FLT1: variants seen among roughly 807,000 people sequenced by gnomAD.
FLT1 encodes the protein vascular endothelial growth factor receptor 1.
FLT1 carries 49 observed loss-of-function variants against 156.3 expected under a neutral mutation model. The ratio of observed to expected loss-of-function variants is 0.31; its 90% CI spans 0.25 to 0.40. The LOEUF (loss-of-function observed/expected upper bound fraction) is 0.40. FLT1 is among the 10% of genes least tolerant of loss of function. The pLI is 1.00. For missense variants in FLT1, 1,322 were observed against 1,637.2 expected, an observed-to-expected ratio of 0.81 and a Z score of 3.32; for synonymous variants, 594 against 583.8, an observed-to-expected ratio of 1.02 and a Z score of -0.25.
At chr13:28,318,279 G>A (rs1871286127) in intron 24 of FLT1, among the ~76,000 whole-genome samples, 1 of 152,162 alleles carries the variant, frequency 6.6e-6, no homozygotes, top group Non-Finnish European at 1.5e-5. Flanking sequence ...GGGGGGCTTT[G>A]CGCTCCAGGG....
chr13:28,345,088 C>A (rs1004950731), intron 16 of FLT1, among the ~76,000 whole-genome samples: 1 of 152,000 alleles, frequency 6.6e-6, no homozygotes, highest in Admixed American at 6.6e-5. Context: ...CAGTCATGTA[C>A]CACCGTGCCC....
chr13:28,376,193 T>C (rs1217659635), intron 14 of FLT1, among the ~76,000 whole-genome samples: 1 of 152,184 alleles, frequency 6.6e-6, no homozygotes, highest in Admixed American at 6.5e-5. Context: ...GTCAGTGATA[T>C]AGTGTGACAG....
intron 1 of FLT1, among the ~76,000 whole-genome samples, chr13:28,468,217 G>A (rs1422054642): frequency 3.9e-5 from 6 of 152,140 alleles, no homozygotes; most frequent in Non-Finnish European, 8.8e-5. Flanking sequence ...AGTTTTAGAA[G>A]ACATTTGGTT....
intron 28 of FLT1, 116 bp downstream of exon 28, chr13:28,308,727 C>T (rs1870856614): frequency 9.4e-6 from 7 of 745,662 alleles, no homozygotes; most frequent in Non-Finnish European, 1.5e-5. Context: ...TTCAGCCACT[C>T]CTGAATCCAG....
At chr13:28,446,719 G>A (rs1349442849) in intron 3 of FLT1, among the ~76,000 whole-genome samples, 2 of 152,146 alleles carry the variant, frequency 1.3e-5, no homozygotes, top group Non-Finnish European at 2.9e-5. Flanking sequence ...AGATGTTAAT[G>A]TCCCCCAAAT....
intron 29 of FLT1, among the ~76,000 whole-genome samples, chr13:28,304,989 A>G (rs1318419566): frequency 1.3e-5 from 2 of 152,180 alleles, no homozygotes; most frequent in Non-Finnish European, 2.9e-5. Context: ...GCTGCTATGA[A>G]CATCTGTGTG....
At chr13:28,488,824 CAG>C (rs1407489615) in intron 1 of FLT1, among the ~76,000 whole-genome samples, 1 of 152,216 alleles carries the variant, frequency 6.6e-6, no homozygotes, top group Non-Finnish European at 1.5e-5. Context: ...CCTATTAAAA[CAG>C]AGTTGATTCT....
At chr13:28,427,067 A>T in intron 10 of FLT1, 92 bp downstream of exon 10, 1 of 1,162,244 alleles carries the variant, frequency 8.6e-7, no homozygotes, top group Non-Finnish European at 1.3e-6. Flanking sequence ...AGTACATCCC[A>T]CATGCAGATT....
chr13:28,415,019 T>C (rs1876562615), intron 10 of FLT1, among the ~76,000 whole-genome samples: 1 of 152,196 alleles, frequency 6.6e-6, no homozygotes, highest in Non-Finnish European at 1.5e-5. Flanking sequence ...AGCACAGCAG[T>C]GTCAGCACCT....
intron 10 of FLT1, among the ~76,000 whole-genome samples, chr13:28,425,971 T>C (rs1182625976): frequency 1.3e-5 from 2 of 152,198 alleles, no homozygotes; most frequent in Admixed American, 6.5e-5. Flanking sequence ...GGAAAACAGC[T>C]ACTTCCCAGG....
intron 1 of FLT1, among the ~76,000 whole-genome samples, chr13:28,485,843 A>C (rs1261495297): frequency 6.6e-6 from 1 of 152,218 alleles, no homozygotes; most frequent in Non-Finnish European, 1.5e-5. Flanking sequence ...GAATGAGGAA[A>C]GATCTCATGA....
rs1870479811 is a variant in FLT1 at position 28,300,706 on chromosome 13, A to G, written c.*2461T>C. On this transcript the variant is annotated 3_prime_UTR_variant, in exon 30 of 30. Coordinates refer to ENST00000282397, the MANE Select transcript of FLT1 (RefSeq NM_002019.4). ...TTAACATCTCGGTGTCACTTCTTGG[A>G]CTGACAAGACACAGACTTGCACATG... The G allele has an allele frequency of 4.3e-6, 1 of 233,098 alleles. No individual in the cohort carries two copies. Among genetic ancestry groups the G allele is most frequent in the Admixed American group, 5.6e-5 (1 of 17,780 alleles). 14.4% of individuals were successfully genotyped at this position (233,098 alleles called of 1,614,324 possible).
At chr13:28,453,898 A>G (rs1352844521) in intron 3 of FLT1, among the ~76,000 whole-genome samples, 7 of 152,150 alleles carry the variant, frequency 4.6e-5, no homozygotes. Flanking sequence ...AGAGCTTGTG[A>G]GAGGTGAGTC....
chr13:28,467,173 C>G, intron 2 of FLT1, 44 bp from the exon 3 acceptor site: 1 of 1,454,996 alleles, frequency 6.9e-7, no homozygotes, highest in Non-Finnish European at 9.6e-7. Context: ...ATGGCTGGGC[C>G]CTAGGCTCAG....
At chr13:28,461,227 A>G (rs539436233) in intron 3 of FLT1, among the ~76,000 whole-genome samples, 8 of 152,228 alleles carry the variant, frequency 5.3e-5, no homozygotes, top group Admixed American at 2.0e-4. Context: ...GCCCTGCTCA[A>G]CTTAGTAAAT....
intron 14 of FLT1, among the ~76,000 whole-genome samples, chr13:28,365,116 A>C (rs1873241053): frequency 6.6e-6 from 1 of 152,224 alleles, no homozygotes; most frequent in African/African-American, 2.4e-5. Flanking sequence ...TGGTTCTACC[A>C]ATAAGTGTTT....
At chr13:28,416,116 TC>T (rs904974039) in intron 10 of FLT1, among the ~76,000 whole-genome samples, 1 of 152,198 alleles carries the variant, frequency 6.6e-6, no homozygotes, top group African/African-American at 2.4e-5. Context: ...ACATTTAACT[TC>T]CTCAAACAAC....
At position 28,311,695 on chromosome 13, in the gene FLT1, G is replaced by C; in HGVS notation, c.3530C>G (p.Thr1177Arg). Reference sequence around the variant, plus strand: ...TGAGTATGTAAACCCACTATTTCCTGTCAGTATGGCATTGATTGGGATGTA... The same window carrying C: ...TGAGTATGTAAACCCACTATTTCCTCTCAGTATGGCATTGATTGGGATGTA... Reference protein sequence around the residue: ...KDYIPINAILTGNSGFTYSTP... With the variant: ...KDYIPINAILRGNSGFTYSTP... Residue 1177 changes from threonine (T) to arginine (R), a missense_variant, in exon 27 of 30, where the codon ACA becomes AGA. Physicochemically the swap from Thr to Arg is moderately conservative, Grantham distance 71. Coordinates refer to ENST00000282397, the MANE Select transcript of FLT1 (RefSeq NM_002019.4). 1 of 1,613,862 alleles carries C rather than the reference G, an allele frequency of 6.2e-7. No homozygotes were observed. Among genetic ancestry groups the C allele is most frequent in the Non-Finnish European group, 8.5e-7 (1 of 1,179,818 alleles).
At chr13:28,332,349 G>A (rs969437918) in intron 18 of FLT1, among the ~76,000 whole-genome samples, 2 of 152,026 alleles carry the variant, frequency 1.3e-5, no homozygotes, top group Non-Finnish European at 2.9e-5. Context: ...TTATAGGCAG[G>A]GCCACAGGTA....
Sources: allele counts gnomAD v4.1 joint callset (sites outside exome capture counted in the v4.1 genomes callset), GRCh38; gene constraint gnomAD v4.1.1; transcripts MANE v1.5; gene names NCBI Gene and HGNC (gene_info 2026-07-23, HGNC 2026-07-21).